The following ZCCHC24 variants were observed in gnomAD, a reference collection of about 807,000 sequenced individuals.
ZCCHC24 encodes zinc finger CCHC-type containing 24.
Under a neutral mutation model 26.2 loss-of-function variants are expected in ZCCHC24, and 10 were observed. That is an observed-to-expected ratio of 0.38 (90% confidence interval 0.24 to 0.65). The LOEUF (loss-of-function observed/expected upper bound fraction) is 0.65. Among genes scored for constraint, ZCCHC24 ranks in the 30% least tolerant of loss-of-function variants. The probability of loss-of-function intolerance (pLI) is 0.54; values close to 1 mark genes in which losing one functional copy is unlikely to be tolerated. For synonymous variants in ZCCHC24, 144 were observed against 147.1 expected (o/e 0.98, Z 0.15); for missense variants, 243 against 329.1 (o/e 0.74, Z 2.03).
At chr10:79,443,106 A>G (rs550081510) in intron 1 of ZCCHC24, among the ~76,000 whole-genome samples, 25 of 152,314 alleles carry the variant, frequency 1.6e-4, no homozygotes, top group African/African-American at 6.0e-4. Flanking sequence ...AGGCCCAGAG[A>G]GAGACGGGGT....
intron 2 of ZCCHC24, among the ~76,000 whole-genome samples, chr10:79,430,306 C>T (rs1589676692): frequency 2.0e-5 from 3 of 152,178 alleles, no homozygotes; most frequent in East Asian, 1.9e-4. Flanking sequence ...GAGTCCAGGA[C>T]AGAATCAAGT....
Position 79,386,478 on chromosome 10 carries a change from G to C in ZCCHC24, c.613-20C>G. The C allele has an allele frequency of 6.4e-7, 1 of 1,567,450 alleles. No individual in the cohort carries two copies. On this transcript the variant is annotated intron_variant, in intron 3 of 3. Transcript: ENST00000372336. ...GGGTCTCTGCAGAGAGAAGGAGGAAGGGGCCCAGGGGAGTGAGGGGAGAGA... is the reference window on the plus strand; with the variant it reads ...GGGTCTCTGCAGAGAGAAGGAGGAACGGGCCCAGGGGAGTGAGGGGAGAGA...
chr10:79,427,841 C>G (rs567445802), intron 2 of ZCCHC24, among the ~76,000 whole-genome samples: 1 of 151,880 alleles, frequency 6.6e-6, no homozygotes, highest in African/African-American at 2.4e-5. Context: ...ATCACAGCAC[C>G]GCACTCCAGC....
At chr10:79,390,717 C>G (rs1384783948) in intron 3 of ZCCHC24, among the ~76,000 whole-genome samples, 3 of 152,218 alleles carry the variant, frequency 2.0e-5, no homozygotes, top group Non-Finnish European at 4.4e-5. Flanking sequence ...TCCCCCACTC[C>G]CTGCAGCAAG....
chr10:79,433,085 T>C (rs1285170430), intron 1 of ZCCHC24, among the ~76,000 whole-genome samples: 1 of 152,236 alleles, frequency 6.6e-6, no homozygotes, highest in Non-Finnish European at 1.5e-5. Context: ...ATGATGTTGA[T>C]GATGGCTATT....
chr10:79,386,014 C>T lies in ZCCHC24; in HGVS notation c.*331G>A. The T allele has an allele frequency of 2.0e-6, 1 of 512,282 alleles. No homozygotes were observed. Among genetic ancestry groups the T allele is most frequent in the South Asian group, 3.6e-5 (1 of 27,488 alleles). The allele number at this position is 512,282 out of a possible 1,614,324, so 31.7% of individuals were successfully genotyped here. On this transcript the variant is annotated 3_prime_UTR_variant, in exon 4 of 4. Coordinates refer to ENST00000372336, the MANE Select transcript of ZCCHC24 (RefSeq NM_153367.4). ...TGTGGCCAATACAAGGCTGCTCACC[C>T]CAAAGAGGCTCTCAGAGGCGAGCCT...
chr10:79,403,501 C>T (rs1856666492), intron 2 of ZCCHC24: 7 of 985,458 alleles, frequency 7.1e-6, no homozygotes, highest in South Asian at 9.4e-5. Context: ...GCAGGCTCCA[C>T]GGAGGCCCCG....
At chr10:79,435,949 C>G (rs1311832034) in intron 1 of ZCCHC24, among the ~76,000 whole-genome samples, 1 of 152,198 alleles carries the variant, frequency 6.6e-6, no homozygotes, top group African/African-American at 2.4e-5. Flanking sequence ...TGGGGCTTGG[C>G]CTCTTGGGTT....
At chr10:79,432,022 C>A (rs1857137672) in intron 2 of ZCCHC24, among the ~76,000 whole-genome samples, 1 of 152,238 alleles carries the variant, frequency 6.6e-6, no homozygotes, top group South Asian at 2.1e-4. Context: ...ATGCTCCGCC[C>A]TGCAGTGCCT....
intron 2 of ZCCHC24, among the ~76,000 whole-genome samples, chr10:79,424,016 TG>T (rs1479242400): frequency 1.9e-3 from 122 of 63,334 alleles, no homozygotes; most frequent in Non-Finnish European, 3.5e-3. Context: ...AGACTCCGTC[TG>T]AAAAAAAAAA....
At chr10:79,437,958 A>G (rs1343716201) in intron 1 of ZCCHC24, among the ~76,000 whole-genome samples, 2 of 152,182 alleles carry the variant, frequency 1.3e-5, no homozygotes, top group Non-Finnish European at 2.9e-5. Context: ...ACAGGACAAG[A>G]GACAGATAGG....
chr10:79,433,523 G>A (rs867347395), intron 1 of ZCCHC24, among the ~76,000 whole-genome samples: 5 of 152,228 alleles, frequency 3.3e-5, no homozygotes, highest in East Asian at 3.8e-4. Context: ...CACGGGCTCC[G>A]GGCTGCCTTG....
intron 2 of ZCCHC24, among the ~76,000 whole-genome samples, chr10:79,422,762 C>T (rs1041987652): frequency 2.6e-5 from 4 of 152,204 alleles, no homozygotes; most frequent in African/African-American, 9.7e-5. Flanking sequence ...CCTCTCGCGG[C>T]GCCCTGTTCT....
At chr10:79,424,970 G>C (rs1440159798) in intron 2 of ZCCHC24, among the ~76,000 whole-genome samples, 1 of 152,226 alleles carries the variant, frequency 6.6e-6, no homozygotes, top group Admixed American at 6.5e-5. Flanking sequence ...CTTTCTATCT[G>C]TACCACCGAG....
chr10:79,416,969 G>A (rs1266243397), intron 2 of ZCCHC24, among the ~76,000 whole-genome samples: 1 of 152,158 alleles, frequency 6.6e-6, no homozygotes, highest in African/African-American at 2.4e-5. Flanking sequence ...GCTCAGAGTG[G>A]GCACCACGGC....
At chr10:79,427,546 C>T (rs151139459) in intron 2 of ZCCHC24, among the ~76,000 whole-genome samples, 35 of 151,206 alleles carry the variant, frequency 2.3e-4, no homozygotes, top group Middle Eastern at 6.8e-3. Flanking sequence ...GTGGGAAACA[C>T]GCAAATATGT....
chr10:79,439,620 C>G (rs7906077), intron 1 of ZCCHC24, among the ~76,000 whole-genome samples: 30,436 of 151,986 alleles, frequency 0.2, 3,694 homozygotes, highest in African/African-American at 0.34. Flanking sequence ...AAGACCAATC[C>G]TTCAGACATG....
At chr10:79,424,765 C>G (rs1206908811) in intron 2 of ZCCHC24, among the ~76,000 whole-genome samples, 1 of 152,186 alleles carries the variant, frequency 6.6e-6, no homozygotes, top group Non-Finnish European at 1.5e-5. Context: ...CACTCCTCCC[C>G]CAGGAGCGCC....
chr10:79,421,255 G>A (rs1856930323), intron 2 of ZCCHC24, among the ~76,000 whole-genome samples: 1 of 152,190 alleles, frequency 6.6e-6, no homozygotes. Flanking sequence ...CAGGTTCTGT[G>A]CCAAGTGCTG....
Sources: allele counts gnomAD v4.1 joint callset (sites outside exome capture counted in the v4.1 genomes callset), GRCh38; gene constraint gnomAD v4.1.1; transcripts MANE v1.5; gene names NCBI Gene and HGNC (gene_info 2026-07-23, HGNC 2026-07-21).